The following THSD7B variants were observed in gnomAD, a reference collection of about 807,000 sequenced individuals.
THSD7B encodes the protein thrombospondin type-1 domain-containing protein 7B.
THSD7B carries 138 observed loss-of-function variants against 213.6 expected under a neutral mutation model. That is an observed-to-expected ratio of 0.65 (90% CI 0.56 to 0.74). The LOEUF (loss-of-function observed/expected upper bound fraction) is 0.74, where lower values mean the gene tolerates loss of function less well. THSD7B is among the 30% of genes least tolerant of loss of function. The pLI is 0.00. For missense variants in THSD7B, 1,931 were observed against 1,991.5 expected (o/e 0.97, Z 0.58); for synonymous variants, 742 against 687.0 (o/e 1.08, Z -1.25).
intron 12 of THSD7B, among the ~76,000 whole-genome samples, chr2:137,281,412 A>T (rs998126919): frequency 2.7e-5 from 4 of 150,652 alleles, no homozygotes; most frequent in African/African-American, 7.3e-5. Flanking sequence ...CTTATTTTTT[A>T]TTATTATTAT....
intron 15 of THSD7B, among the ~76,000 whole-genome samples, chr2:137,508,894 T>C (rs949825779): frequency 1.4e-4 from 21 of 152,046 alleles, no homozygotes; most frequent in African/African-American, 4.8e-4. Context: ...TGGAGCTAGA[T>C]GGGAACCTGA....
intron 12 of THSD7B, among the ~76,000 whole-genome samples, chr2:137,356,184 T>C (rs910106048): frequency 2.0e-5 from 3 of 152,156 alleles, no homozygotes; most frequent in Non-Finnish European, 4.4e-5. Context: ...CTAACAAATT[T>C]GCATATCTTT....
chr2:136,999,901 A>G (rs891487660), intron 2 of THSD7B, among the ~76,000 whole-genome samples: 1 of 152,192 alleles, frequency 6.6e-6, no homozygotes, highest in Non-Finnish European at 1.5e-5. Context: ...TTGGAAATGG[A>G]TGGAGAGCAG....
At chr2:137,403,368 TAAG>T (rs933705604) in intron 12 of THSD7B, among the ~76,000 whole-genome samples, 2 of 152,184 alleles carry the variant, frequency 1.3e-5, no homozygotes, top group African/African-American at 2.4e-5. Context: ...ATTCAGAATA[TAAG>T]AAGAATGGGC....
At chr2:137,334,170 TTCTC>T (rs139280559) in intron 12 of THSD7B, among the ~76,000 whole-genome samples, 33,837 of 148,726 alleles carry the variant, frequency 0.23, 3,933 homozygotes, top group Non-Finnish European at 0.25. Flanking sequence ...CTTTCTCTCT[TTCTC>T]TCTCTCTCTC....
intron 15 of THSD7B, among the ~76,000 whole-genome samples, chr2:137,501,035 T>C (rs1403799697): frequency 1.3e-5 from 2 of 152,192 alleles, no homozygotes; most frequent in Admixed American, 6.5e-5. Context: ...CACACAAGGG[T>C]AAAAGCAAGT....
intron 12 of THSD7B, among the ~76,000 whole-genome samples, chr2:137,309,073 C>A (rs73958844): frequency 6.6e-6 from 1 of 151,944 alleles, no homozygotes; most frequent in Non-Finnish European, 1.5e-5. Flanking sequence ...TATTTCCAAA[C>A]GGGCTTCTAG....
chr2:137,297,407 T>C (rs187677077), intron 12 of THSD7B, among the ~76,000 whole-genome samples: 4 of 151,962 alleles, frequency 2.6e-5, no homozygotes, highest in African/African-American at 9.6e-5. Flanking sequence ...TATGTGGAGT[T>C]CAACTTGGTC....
chr2:137,246,932 C>T (rs1348692926), intron 10 of THSD7B, among the ~76,000 whole-genome samples: 3 of 152,142 alleles, frequency 2.0e-5, no homozygotes, highest in African/African-American at 4.8e-5. Context: ...CATCCCAGCC[C>T]GCCCAGTCAG....
At chr2:136,832,092 A>T (rs1398953115) in intron 1 of THSD7B, among the ~76,000 whole-genome samples, 1 of 152,040 alleles carries the variant, frequency 6.6e-6, no homozygotes, top group Non-Finnish European at 1.5e-5. Flanking sequence ...AGTACCTTAT[A>T]CCCAGTAGGC....
At chr2:137,581,557 G>C (rs1681575321) in intron 17 of THSD7B, among the ~76,000 whole-genome samples, 1 of 152,154 alleles carries the variant, frequency 6.6e-6, no homozygotes, top group Admixed American at 6.5e-5. Flanking sequence ...GCTGCAGTGA[G>C]CTGAGATAGC....
intron 27 of THSD7B, among the ~76,000 whole-genome samples, chr2:137,673,044 A>AGTG (rs1683613613): frequency 1.3e-5 from 2 of 152,150 alleles, no homozygotes; most frequent in Admixed American, 1.3e-4. Flanking sequence ...CAAGTTTGAG[A>AGTG]GTGGTACTTG....
At chr2:137,675,673 T>C (rs1186095014) in intron 27 of THSD7B, among the ~76,000 whole-genome samples, 1 of 151,840 alleles carries the variant, frequency 6.6e-6, no homozygotes, top group Non-Finnish European at 1.5e-5. Flanking sequence ...TTAGTATGCA[T>C]CGAATAAGCA....
chr2:136,881,752 G>T (rs1400441647), intron 1 of THSD7B, among the ~76,000 whole-genome samples: 1 of 151,928 alleles, frequency 6.6e-6, no homozygotes, highest in Admixed American at 6.6e-5. Flanking sequence ...ACCACCTCAG[G>T]CTTTTGTTTC....
intron 12 of THSD7B, among the ~76,000 whole-genome samples, chr2:137,301,795 CAGG>C (rs992457531): frequency 1.3e-5 from 2 of 151,924 alleles, no homozygotes; most frequent in African/African-American, 4.8e-5. Context: ...CAGAAAAAAT[CAGG>C]AGAAGAACAG....
chr2:137,640,627 G>A (rs1017860467), intron 20 of THSD7B, among the ~76,000 whole-genome samples: 74 of 152,172 alleles, frequency 4.9e-4, no homozygotes, highest in African/African-American at 1.7e-3. Flanking sequence ...CTGAGCCTTA[G>A]TTTCGTCATC....
chr2:137,039,966 A>C (rs1211906718), intron 2 of THSD7B, among the ~76,000 whole-genome samples: 1 of 152,156 alleles, frequency 6.6e-6, no homozygotes, highest in Non-Finnish European at 1.5e-5. Flanking sequence ...TTCTGGTTGT[A>C]GCTGACTGCT....
intron 9 of THSD7B, among the ~76,000 whole-genome samples, chr2:137,237,656 GA>G (rs1273515260): frequency 3.3e-5 from 5 of 152,214 alleles, no homozygotes; most frequent in African/African-American, 9.7e-5. Context: ...CAGTGATACA[GA>G]AAACCAACTT....
intron 6 of THSD7B, among the ~76,000 whole-genome samples, chr2:137,164,978 T>C (rs1352474423): frequency 2.0e-5 from 3 of 151,958 alleles, no homozygotes; most frequent in African/African-American, 7.3e-5. Flanking sequence ...TGTATACATA[T>C]GTAACAAACC....
Sources: allele counts gnomAD v4.1 joint callset (sites outside exome capture counted in the v4.1 genomes callset), GRCh38; gene constraint gnomAD v4.1.1; transcripts MANE v1.5; gene names NCBI Gene and HGNC (gene_info 2026-07-23, HGNC 2026-07-21).